TICAM2: variants seen among roughly 807,000 people sequenced by gnomAD.
TICAM2 encodes TIR domain-containing adapter molecule 2.
TICAM2 carries 8 observed loss-of-function variants against 7.3 expected under a neutral mutation model. That is an observed-to-expected ratio of 1.10 (90% confidence interval 0.65 to 1.99). The LOEUF (loss-of-function observed/expected upper bound fraction) is 1.99, where lower values mean the gene tolerates loss of function less well. Among genes scored for constraint, TICAM2 ranks in the 30% most tolerant of loss-of-function variants. The probability of loss-of-function intolerance (pLI) is 0.00; values close to 1 mark genes in which losing one functional copy is unlikely to be tolerated. For synonymous variants in TICAM2, 113 were observed against 99.6 expected, an observed-to-expected ratio of 1.13 and a Z score of -0.80; for missense variants, 304 against 278.8, an observed-to-expected ratio of 1.09 and a Z score of -0.65.
At position 115,579,215 on chromosome 5, in the gene TICAM2, G is replaced by C. The variant is rs578194923; in HGVS notation, c.*1334C>G. ...ATTATAAGCATATATAAAGCCTTCT[G>C]CAACTATTACATATCACTTTATCGA... On this transcript the variant is annotated 3_prime_UTR_variant, in exon 2 of 2. Transcript: ENST00000427199. 2 of 152,530 alleles carry C rather than the reference G, an allele frequency of 1.3e-5. No individual in the cohort carries two copies. The highest frequency in any genetic ancestry group is 2.4e-5 in the African/African-American group (1 of 41,422). 9.4% of individuals were successfully genotyped at this position (152,530 alleles called of 1,614,324 possible).
At chr5:115,597,435 G>A (rs1225471840) in intron 1 of TICAM2, among the ~76,000 whole-genome samples, 13 of 152,042 alleles carry the variant, frequency 8.6e-5, no homozygotes, top group Admixed American at 8.5e-4. Context: ...TCCAAAAACT[G>A]GGGAATGATA....
chr5:115,583,285 A>C (rs551526825), intron 1 of TICAM2, among the ~76,000 whole-genome samples: 25 of 152,368 alleles, frequency 1.6e-4, no homozygotes, highest in African/African-American at 5.5e-4. Flanking sequence ...CAACACCATT[A>C]TCTTAGTCAC....
At chr5:115,583,519 C>T (rs1755001917) in intron 1 of TICAM2, among the ~76,000 whole-genome samples, 1 of 152,180 alleles carries the variant, frequency 6.6e-6, no homozygotes, top group East Asian at 1.9e-4. Flanking sequence ...TGTCACCCAC[C>T]TAATCAGACC....
chr5:115,583,748 G>C (rs2127192951), intron 1 of TICAM2, among the ~76,000 whole-genome samples: 1 of 152,132 alleles, frequency 6.6e-6, no homozygotes, highest in East Asian at 1.9e-4. Context: ...CTTCACTGTT[G>C]GCCAGTTAAC....
chr5:115,589,860 T>C (rs1035299498), intron 1 of TICAM2, among the ~76,000 whole-genome samples: 19 of 152,216 alleles, frequency 1.2e-4, no homozygotes, highest in African/African-American at 4.6e-4. Context: ...CAAGAAATGC[T>C]TTGTGAATGA....
intron 1 of TICAM2, among the ~76,000 whole-genome samples, chr5:115,599,071 A>C (rs557557664): frequency 3.9e-5 from 6 of 152,004 alleles, no homozygotes; most frequent in Non-Finnish European, 8.8e-5. Flanking sequence ...TCAAAAAAAA[A>C]AAAAAAAAAG....
chr5:115,598,794 G>T (rs1033355810), intron 1 of TICAM2, among the ~76,000 whole-genome samples: 28 of 152,108 alleles, frequency 1.8e-4, no homozygotes, highest in African/African-American at 6.8e-4. Context: ...AAGAAGGGGT[G>T]ATAGTACATA....
chr5:115,591,132 A>G (rs1282820698), intron 1 of TICAM2, among the ~76,000 whole-genome samples: 1 of 152,206 alleles, frequency 6.6e-6, no homozygotes, highest in Non-Finnish European at 1.5e-5. Context: ...ATAGAACCCA[A>G]ATCCAGAAGA....
chr5:115,584,649 T>TC (rs1280865228), intron 1 of TICAM2, among the ~76,000 whole-genome samples: 2 of 152,130 alleles, frequency 1.3e-5, no homozygotes, highest in Non-Finnish European at 2.9e-5. Flanking sequence ...CCCAACTCTA[T>TC]CCCTTGCCCC....
intron 1 of TICAM2, among the ~76,000 whole-genome samples, chr5:115,593,009 G>T (rs1416561072): frequency 6.6e-6 from 1 of 152,158 alleles, no homozygotes; most frequent in Non-Finnish European, 1.5e-5. Flanking sequence ...TAGGTGTGGT[G>T]CCGCATGCCT....
chr5:115,581,917 T>C (rs989045780), intron 1 of TICAM2: 7 of 152,460 alleles, frequency 4.6e-5, no homozygotes, highest in African/African-American at 7.2e-5. Flanking sequence ...ATTGTGGTGA[T>C]GGTGAATCTA....
intron 1 of TICAM2, among the ~76,000 whole-genome samples, chr5:115,590,459 G>C (rs1175937861): frequency 6.6e-6 from 1 of 152,156 alleles, no homozygotes; most frequent in Non-Finnish European, 1.5e-5. Flanking sequence ...CCCATACCTG[G>C]ATTCAGAAAT....
At chr5:115,588,665 A>C (rs1219451286) in intron 1 of TICAM2, among the ~76,000 whole-genome samples, 2 of 152,234 alleles carry the variant, frequency 1.3e-5, no homozygotes, top group African/African-American at 4.8e-5. Context: ...AAGTACTAAA[A>C]ACTTTCATCT....
At chr5:115,599,859 TTTTC>T (rs1471623933) in intron 1 of TICAM2, among the ~76,000 whole-genome samples, 6 of 151,954 alleles carry the variant, frequency 3.9e-5, no homozygotes, top group Admixed American at 2.0e-4. Flanking sequence ...TTTCTTTTTT[TTTTC>T]TTTCTTTTTT....
At chr5:115,590,509 T>A (rs955745155) in intron 1 of TICAM2, among the ~76,000 whole-genome samples, 2 of 152,224 alleles carry the variant, frequency 1.3e-5, no homozygotes, top group Non-Finnish European at 2.9e-5. Context: ...GAAAGCAATA[T>A]TAATGTACAT....
chr5:115,599,294 C>T (rs572341538), intron 1 of TICAM2, among the ~76,000 whole-genome samples: 1 of 151,950 alleles, frequency 6.6e-6, no homozygotes, highest in East Asian at 1.9e-4. Flanking sequence ...GGGAGGGGGG[C>T]AAAGTAACTG....
intron 1 of TICAM2, among the ~76,000 whole-genome samples, chr5:115,598,276 C>T (rs756986346): frequency 7.9e-5 from 12 of 152,144 alleles, no homozygotes; most frequent in African/African-American, 1.9e-4. Flanking sequence ...TCTATCTCTA[C>T]GTTCCAAATG....
intron 1 of TICAM2, among the ~76,000 whole-genome samples, chr5:115,584,785 T>A (rs748926327): frequency 2.0e-5 from 3 of 151,996 alleles, no homozygotes; most frequent in South Asian, 2.1e-4. Context: ...ACCCTTAAAC[T>A]AAAGTTCTGA....
At chr5:115,589,668 A>C (rs1161165170) in intron 1 of TICAM2, among the ~76,000 whole-genome samples, 1 of 152,226 alleles carries the variant, frequency 6.6e-6, no homozygotes, top group Non-Finnish European at 1.5e-5. Context: ...GAGTTATGGG[A>C]TCTATCAAAG....
Sources: gnomAD v4.1 joint callset for allele counts (sites outside exome capture counted in the v4.1 genomes callset) on GRCh38, gnomAD v4.1.1 for gene constraint, MANE v1.5 for transcripts, NCBI Gene and HGNC (gene_info 2026-07-23, HGNC 2026-07-21) for gene names.